Variants in DYNC2H1 observed in about 807,000 individuals in gnomAD.
DYNC2H1 encodes the protein cytoplasmic dynein 2 heavy chain 1.
In DYNC2H1, 410 loss-of-function variants were observed where a neutral mutation model predicts 570.0. The observed-to-expected ratio is 0.72, with a 90% CI of 0.66 to 0.78. The LOEUF (loss-of-function observed/expected upper bound fraction) is 0.78. Among genes scored for constraint, DYNC2H1 ranks in the 30% least tolerant of loss-of-function variants. The pLI, the probability that DYNC2H1 is intolerant of heterozygous loss-of-function variation, is 0.00. For missense variants in DYNC2H1, 4,865 were observed against 5,046.4 expected, an observed-to-expected ratio of 0.96 and a Z score of 1.09; for synonymous variants, 1,688 against 1,677.6, an observed-to-expected ratio of 1.01 and a Z score of -0.15.
At chr11:103,470,653 A>C (rs953997000) in intron 88 of DYNC2H1, among the ~76,000 whole-genome samples, 2 of 152,136 alleles carry the variant, frequency 1.3e-5, no homozygotes, top group African/African-American at 2.4e-5. Flanking sequence ...CCTATGAGTG[A>C]GAACATGTGG....
rs768364364 is a variant in DYNC2H1 at position 103,187,594 on chromosome 11, A to G, written c.7140+8A>G. The G allele has an allele frequency of 8.7e-6, 14 of 1,611,610 alleles. 3 individuals carry two copies. The South Asian group carries it at 1.1e-4, about 13-fold the overall frequency. On this transcript the variant is annotated splice_region_variant and intron_variant, in intron 43 of 88. Coordinates refer to ENST00000375735, the MANE Select transcript of DYNC2H1 (RefSeq NM_001377.3). ...GTAGCATTCCTACAACAGGTAAGTC[A>G]TATTGCTTGAAGTGTTTTAATCTAA...
Position 103,154,743 on chromosome 11 carries a change from A to T in DYNC2H1, c.3507A>T (p.Arg1169Ser), listed in dbSNP as rs1407397027. Residue 1169 changes from arginine (R) to serine (S), a missense_variant, in exon 24 of 89, where the codon AGA becomes AGT. Physicochemically the swap from Arg to Ser is moderately radical, Grantham distance 110. Around this residue, in one of 5 missense-constraint regions of DYNC2H1, gnomAD observed 1,936 missense variants for 1,962.1 expected, o/e 0.99. Coordinates refer to ENST00000375735, the MANE Select transcript of DYNC2H1 (RefSeq NM_001377.3). Reference protein sequence around the residue: ...FEEFLMNWHDRLRKVEEHSVM... With the variant: ...FEEFLMNWHDSLRKVEEHSVM... ...AATTTTTGATGAACTGGCATGACAG[A>T]TTAAGGAAGGTTGAAGAACATTCAG... 1 of 1,573,156 alleles carries T rather than the reference A, an allele frequency of 6.4e-7. No homozygotes were observed. The highest frequency in any genetic ancestry group is 1.9e-5 in the Admixed American group (1 of 53,710).
chr11:103,474,071 T>C, intron 88 of DYNC2H1: 1 of 242,838 alleles, frequency 4.1e-6, no homozygotes, highest in South Asian at 3.8e-5. Context: ...ATATTTTGTA[T>C]GTTATTTTTT....
At position 103,256,482 on chromosome 11, in the gene DYNC2H1, A is replaced by G. The variant is rs1865062098; in HGVS notation, c.10461+242A>G. ...GCTGCCTTCTACTGATTTCTGGCAT[A>G]ATGTTATCTAAGGTAGAGCTGCAGT... On this transcript the variant is annotated intron_variant, in intron 68 of 88. Coordinates refer to ENST00000375735, the MANE Select transcript of DYNC2H1 (RefSeq NM_001377.3). This position sits in a 1 kb window ranked among gnomAD's most constrained non-coding sequence, Gnocchi z 4.0. Among the ~76,000 whole-genome samples the G allele has an allele frequency of 6.6e-6, 1 of 152,134 alleles. No individual in the cohort carries two copies. The highest frequency in any genetic ancestry group is 2.4e-5 in the African/African-American group (1 of 41,436).
Position 103,152,290 on chromosome 11 carries a change from G to A in DYNC2H1, c.3096+5G>A. ...CAACTTATGATTAAAGACCAGGTTA[G>A]AATCTTTTAATTATTTATTAAAATG... On this transcript the variant is annotated splice_donor_5th_base_variant and intron_variant, in intron 21 of 88. Transcript: ENST00000375735. The A allele has an allele frequency of 2.5e-6, 4 of 1,573,928 alleles. No homozygotes were observed. Among genetic ancestry groups the A allele is most frequent in the Non-Finnish European group, 3.4e-6 (4 of 1,167,876 alleles).
intron 85 of DYNC2H1, among the ~76,000 whole-genome samples, chr11:103,449,559 G>A (rs933721928): frequency 6.6e-6 from 1 of 152,048 alleles, no homozygotes; most frequent in Non-Finnish European, 1.5e-5. Context: ...ACTCAACCAC[G>A]TAATCAATAA....
At chr11:103,141,533 C>T (rs759677058) in intron 17 of DYNC2H1, among the ~76,000 whole-genome samples, 39 of 152,194 alleles carry the variant, frequency 2.6e-4, no homozygotes, top group African/African-American at 5.5e-4. Context: ...TCGTGAACCA[C>T]GAATGCTGCT....
chr11:103,303,473 G>C (rs75275274), intron 76 of DYNC2H1, among the ~76,000 whole-genome samples: 1 of 152,086 alleles, frequency 6.6e-6, no homozygotes, highest in Non-Finnish European at 1.5e-5. Flanking sequence ...GCCTGGATTA[G>C]CCAGGTGGAC....
rs547159267 is a variant in DYNC2H1, at chr11:103,109,542, C to G, written c.-33C>G. On this transcript the variant is annotated 5_prime_UTR_variant, in exon 1 of 89. Coordinates refer to ENST00000375735, the MANE Select transcript of DYNC2H1 (RefSeq NM_001377.3). ...CCGGACTGGTTTCTTCTTCCTTCCC[C>G]CTTCCCCCAACTTCCCTCCACCCCT... 1 of 1,600,976 alleles carries G rather than the reference C, an allele frequency of 6.2e-7. No homozygotes were observed. Among genetic ancestry groups the G allele is most frequent in the Admixed American group, 1.7e-5 (1 of 58,892 alleles).
chr11:103,143,528 G>T (rs2134831150), intron 18 of DYNC2H1, 133 bp downstream of exon 18: 2 of 883,140 alleles, frequency 2.3e-6, no homozygotes, highest in South Asian at 5.5e-5. Context: ...TGACACTTGA[G>T]TATCATCTAG....
At chr11:103,422,842 T>C (rs989435048) in intron 84 of DYNC2H1, among the ~76,000 whole-genome samples, 26 of 152,046 alleles carry the variant, frequency 1.7e-4, no homozygotes, top group African/African-American at 3.4e-4. Context: ...GCCAGGGCAA[T>C]TGGGAAAGAG....
At chr11:103,211,474 A>G (rs532388442) in intron 53 of DYNC2H1, among the ~76,000 whole-genome samples, 1 of 152,166 alleles carries the variant, frequency 6.6e-6, no homozygotes, top group Middle Eastern at 3.4e-3. Flanking sequence ...CATGTGTTAT[A>G]TAGTCCCAAT....
chr11:103,237,081 G>C (rs1030387633), intron 63 of DYNC2H1, among the ~76,000 whole-genome samples: 2 of 151,940 alleles, frequency 1.3e-5, no homozygotes, highest in Admixed American at 1.3e-4. Context: ...TCAAAGCCAT[G>C]TACACAAATA....
rs766057257 is a variant in DYNC2H1 at position 103,177,778 on chromosome 11, G to GT, written c.6101dup (p.Leu2034PhefsTer4). The stretch of plus-strand genomic sequence containing the variant: ...GGACACAAGAGAATGGTCTGATGGT[G>GT]TTTTGACAAATAGTGCTCGTCAAGT... On this transcript the variant is annotated frameshift_variant, in exon 38 of 89. Coordinates refer to ENST00000375735, the MANE Select transcript of DYNC2H1 (RefSeq NM_001377.3). LOFTEE classifies it high-confidence loss of function. This position sits in a 1 kb window ranked among gnomAD's most constrained non-coding sequence, Gnocchi z 4.4. 1 of 1,612,708 alleles carries GT rather than the reference G, an allele frequency of 6.2e-7. No homozygotes were observed. The highest frequency in any genetic ancestry group is 1.7e-5 in the Admixed American group (1 of 59,850).
chr11:103,127,584 C>G (rs1054996376), intron 12 of DYNC2H1, among the ~76,000 whole-genome samples: 8 of 152,120 alleles, frequency 5.3e-5, no homozygotes, highest in Admixed American at 1.3e-4. Flanking sequence ...AAAGCATCTA[C>G]TATGTGCCAA....
At chr11:103,114,860 T>C (rs180905446) in intron 3 of DYNC2H1, among the ~76,000 whole-genome samples, 6 of 152,286 alleles carry the variant, frequency 3.9e-5, no homozygotes, top group African/African-American at 1.4e-4. Context: ...ATATGTATTT[T>C]TTCGGTAAGG....
In DYNC2H1 at chr11:103,289,188, A is replaced by G. The variant is rs1866488744; in HGVS notation, c.11095+1583A>G. ...AGCACTCCCCACTTCCTAAGCCCCT[A>G]CTCACCAAATCGTCTTTAAAAACTC... On this transcript the variant is annotated intron_variant, in intron 75 of 88. Coordinates refer to ENST00000375735, the MANE Select transcript of DYNC2H1 (RefSeq NM_001377.3). This position sits in a 1 kb window ranked among gnomAD's most constrained non-coding sequence, Gnocchi z 4.2. Among the ~76,000 whole-genome samples the G allele has an allele frequency of 1.3e-5, 2 of 152,074 alleles. No homozygotes were observed. The highest frequency in any genetic ancestry group is 4.8e-5 in the African/African-American group (2 of 41,406).
At chr11:103,149,675 T>C (rs937961380) in intron 20 of DYNC2H1, among the ~76,000 whole-genome samples, 2 of 152,178 alleles carry the variant, frequency 1.3e-5, no homozygotes, top group East Asian at 3.8e-4. Flanking sequence ...TTGACTGATA[T>C]GTATGGATCA....
chr11:103,399,720 A>G lies in DYNC2H1; in HGVS notation c.12214A>G (p.Ile4072Val), dbSNP rs757485579. The G allele has an allele frequency of 8.1e-6, 13 of 1,613,766 alleles. No individual in the cohort carries two copies. The highest frequency in any genetic ancestry group is 1.7e-5 in the Admixed American group (1 of 59,984). ...PPPNDRQGSP[I>V]LSFIILEQFN... ...TCCTAACGATCGACAAGGATCTCCA[A>G]TACTGTCATTCATCATTCTTGAACA... The change falls in exon 84 of 89, where the codon ATA becomes GTA. Residue 4072 changes from isoleucine (I) to valine (V), a missense_variant. Coordinates refer to ENST00000375735, the MANE Select transcript of DYNC2H1 (RefSeq NM_001377.3).
Sources: allele counts gnomAD v4.1 joint callset (sites outside exome capture counted in the v4.1 genomes callset), GRCh38; gene constraint gnomAD v4.1.1; regional missense constraint gnomAD v4.1.1; non-coding constraint Gnocchi (gnomAD v3.1); transcripts MANE v1.5; gene names NCBI Gene and HGNC (gene_info 2026-07-23, HGNC 2026-07-21).